Variants in SIL1 observed in about 807,000 individuals in gnomAD.
The protein encoded by SIL1 is SIL1 nucleotide exchange factor.
In SIL1, 40 loss-of-function variants were observed where a neutral mutation model predicts 49.1. The observed-to-expected ratio is 0.81, with a 90% CI of 0.63 to 1.06. The LOEUF is 1.06. SIL1 is among the 50% of genes least tolerant of loss of function. SIL1 has a pLI of 0.00. For missense variants in SIL1, 500 were observed against 572.6 expected, an observed-to-expected ratio of 0.87 and a Z score of 1.29; for synonymous variants, 253 against 250.8, an observed-to-expected ratio of 1.01 and a Z score of -0.08.
At chr5:139,050,841 TA>T (rs2150453923) in intron 4 of SIL1, 96 bp downstream of exon 4, 3 of 1,040,008 alleles carry the variant, frequency 2.9e-6, no homozygotes, top group East Asian at 4.8e-5. Context: ...AATTTCAAAT[TA>T]AAAAAAGCCA....
At chr5:139,121,309 T>C (rs1750631460) in intron 2 of SIL1, 136 bp from the exon 3 acceptor site, 1 of 1,198,382 alleles carries the variant, frequency 8.3e-7, no homozygotes, top group Non-Finnish European at 1.2e-6. Context: ...ACACTCGCAA[T>C]TCCTTTCCCA....
chr5:139,040,484 C>CTTTT lies in SIL1; in HGVS notation c.453+2132_453+2135dup, dbSNP rs140792595. 4.5e-3 allele frequency among the ~76,000 whole-genome samples: 401 copies of CTTTT among 89,370 alleles called. 50 individuals carry two copies. Among genetic ancestry groups the CTTTT allele is most frequent in the Middle Eastern group, 0.018 (3 of 166 alleles). 58.6% of individuals were successfully genotyped at this position (89,370 alleles called of 152,430 possible). ...TTGCAAGGGGAGAGGAGTATTTTTT[C>CTTTT]TTTTTTCTTTTTTCTTTTTTTTTTT... On this transcript the variant is annotated intron_variant, in intron 5 of 9. Transcript: ENST00000394817.
chr5:139,197,173 C>G (rs939141838), intron 1 of SIL1, among the ~76,000 whole-genome samples: 5 of 144,256 alleles, frequency 3.5e-5, no homozygotes, highest in Non-Finnish European at 7.4e-5. Flanking sequence ...GAAGGTGAGG[C>G]AGGAGAATCG....
chr5:139,034,933 AT>A (rs1185621521), intron 5 of SIL1, among the ~76,000 whole-genome samples: 1 of 152,142 alleles, frequency 6.6e-6, no homozygotes, highest in African/African-American at 2.4e-5. Context: ...AGCATCTATT[AT>A]TTTTTGACTT....
intron 1 of SIL1, chr5:139,155,505 C>G (rs1049880658): frequency 8.2e-6 from 1 of 122,546 alleles, no homozygotes. Context: ...TCTTTAATCT[C>G]TTCTTATGGA....
chr5:138,967,620 C>A (rs1767172390), intron 7 of SIL1, among the ~76,000 whole-genome samples: 1 of 152,184 alleles, frequency 6.6e-6, no homozygotes, highest in African/African-American at 2.4e-5. Context: ...ATACAACAAT[C>A]TTCTGTGGGA....
rs1769023031 is a variant in SIL1, at chr5:139,040,515, T to TTTTG, written c.453+2104_453+2105insCAAA. Among the ~76,000 whole-genome samples the TTTTG allele has an allele frequency of 6.0e-3, 679 of 113,086 alleles. 4 individuals carry two copies. Among genetic ancestry groups the TTTTG allele is most frequent in the African/African-American group, 0.021 (649 of 31,020 alleles). The allele number at this position is 113,086 out of a possible 152,430, so 74.2% of individuals were successfully genotyped here. On this transcript the variant is annotated intron_variant, in intron 5 of 9. Transcript: ENST00000394817. ...TCTTTTTTCTTTTTTTTTTTTTTTT[T>TTTTG]GAGACAGAGTTTCTCTCTTGTCACC...
chr5:139,122,392 A>T (rs1750659286), intron 2 of SIL1, among the ~76,000 whole-genome samples: 1 of 152,174 alleles, frequency 6.6e-6, no homozygotes, highest in African/African-American at 2.4e-5. Flanking sequence ...CAAGAGTTCA[A>T]GACCAGCCTG....
intron 3 of SIL1, among the ~76,000 whole-genome samples, chr5:139,056,004 G>A (rs565906315): frequency 7.2e-5 from 11 of 151,938 alleles, no homozygotes; most frequent in South Asian, 4.2e-4. Context: ...GTGCAGTGGC[G>A]TGATCTCGGC....
chr5:139,191,801 G>A (rs1752176519), intron 1 of SIL1, among the ~76,000 whole-genome samples: 1 of 151,768 alleles, frequency 6.6e-6, no homozygotes, highest in South Asian at 2.1e-4. Flanking sequence ...AAAGGGCCAG[G>A]CACAGTGGCT....
At chr5:138,975,821 C>G (rs1486852104) in intron 7 of SIL1, among the ~76,000 whole-genome samples, 3 of 152,206 alleles carry the variant, frequency 2.0e-5, no homozygotes, top group African/African-American at 7.2e-5. Flanking sequence ...CACCAACCAG[C>G]CAGGCGTGTA....
intron 3 of SIL1, among the ~76,000 whole-genome samples, chr5:139,091,174 C>A (rs1288972619): frequency 6.6e-6 from 1 of 151,800 alleles, no homozygotes; most frequent in African/African-American, 2.4e-5. Flanking sequence ...AATTATAATT[C>A]AAAATCCAAA....
intron 3 of SIL1, among the ~76,000 whole-genome samples, chr5:139,115,449 G>A (rs1333825428): frequency 6.6e-6 from 1 of 152,098 alleles, no homozygotes; most frequent in Non-Finnish European, 1.5e-5. Flanking sequence ...ACCAACCCAG[G>A]ATTAGAGGGC....
At position 138,990,090 on chromosome 5, in the gene SIL1, C is replaced by T. The variant is rs57548771; in HGVS notation, c.767+31081G>A. On this transcript the variant is annotated intron_variant, in intron 7 of 9. Coordinates refer to ENST00000394817, the MANE Select transcript of SIL1 (RefSeq NM_022464.5). ...GTCTTCCTGCCCTCTCTTCCTGGAC[C>T]GCCCAGCAAGTTTACTCCTGGTCCC... Among the ~76,000 whole-genome samples the T allele has an allele frequency of 1.1e-3, 165 of 152,268 alleles. 4 individuals are homozygous for T. The East Asian group carries it at 0.026, about 24-fold the overall frequency.
chr5:139,169,441 T>G (rs965958831), intron 1 of SIL1, among the ~76,000 whole-genome samples: 2 of 148,738 alleles, frequency 1.3e-5, no homozygotes, highest in Non-Finnish European at 3.0e-5. Context: ...AAAAGTATGG[T>G]GTGTGTGTGT....
chr5:138,969,939 C>T (rs1303109229), intron 7 of SIL1, among the ~76,000 whole-genome samples: 1 of 152,208 alleles, frequency 6.6e-6, no homozygotes, highest in Non-Finnish European at 1.5e-5. Context: ...AGCACCAGCT[C>T]ACACTGGGCA....
At chr5:139,093,606 T>A (rs1242104658) in intron 3 of SIL1, among the ~76,000 whole-genome samples, 2 of 152,234 alleles carry the variant, frequency 1.3e-5, no homozygotes, top group African/African-American at 4.8e-5. Context: ...CATTACATTT[T>A]TCTAAGGTAC....
chr5:139,138,473 C>G (rs183010016), intron 1 of SIL1, among the ~76,000 whole-genome samples: 68 of 152,286 alleles, frequency 4.5e-4, no homozygotes, highest in Non-Finnish European at 6.5e-4. Context: ...CGGGAGTGAT[C>G]AGCCCATGTC....
intron 6 of SIL1, among the ~76,000 whole-genome samples, chr5:139,024,247 C>A (rs1399087886): frequency 6.6e-6 from 1 of 152,270 alleles, no homozygotes; most frequent in African/African-American, 2.4e-5. Flanking sequence ...GGCAAATAAC[C>A]CCTTATATCC....
Sources: gnomAD v4.1 joint callset for allele counts (sites outside exome capture counted in the v4.1 genomes callset) on GRCh38, gnomAD v4.1.1 for gene constraint, MANE v1.5 for transcripts, NCBI Gene and HGNC (gene_info 2026-07-23, HGNC 2026-07-21) for gene names.